Variants in ELFN1 observed in about 807,000 individuals in gnomAD.
ELFN1 encodes extracellular leucine rich repeat and fibronectin type III domain containing 1.
A neutral mutation model predicts 7.6 loss-of-function variants in ELFN1; 6 were observed. The observed-to-expected ratio is 0.79, with a 90% CI of 0.43 to 1.56. ELFN1 has a LOEUF of 1.56. Among genes scored for constraint, ELFN1 ranks in the 40% most tolerant of loss-of-function variants. The pLI is 0.01. For missense variants in ELFN1, 1,169 were observed against 1,232.2 expected (o/e 0.95, Z 0.77); for synonymous variants, 657 against 588.1 (o/e 1.12, Z -1.70).
At chr7:1,729,418 A>G (rs1780277861) in intron 3 of ELFN1, among the ~76,000 whole-genome samples, 1 of 152,008 alleles carries the variant, frequency 6.6e-6, no homozygotes, top group Non-Finnish European at 1.5e-5. Context: ...CTTCACTCCC[A>G]AGCCAGTGCC....
At position 1,746,744 on chromosome 7, in the gene ELFN1, TGC is replaced by T; in HGVS notation, c.2151_2152del (p.Pro719ArgfsTer270). 1 of 1,492,898 alleles carries T rather than the reference TGC, an allele frequency of 6.7e-7. No individual in the cohort carries two copies. The highest frequency in any genetic ancestry group is 8.9e-7 in the Non-Finnish European group (1 of 1,128,016). The allele number at this position is 1,492,898 out of a possible 1,614,324, so 92.5% of individuals were successfully genotyped here. A position where few individuals can be genotyped will look rare whatever the true frequency, so the allele number is the denominator to read the frequency against. ...CCGGCTCCCACCCGGCCGAGCCACC[TGC>T]GCCCCCCGGGCCACCGCCGCCGCCT... ...YPGSHPAEPP[A>X]PPGPPPPPPH... On this transcript the variant is annotated frameshift_variant, in exon 4 of 4. Coordinates refer to ENST00000424383, the MANE Select transcript of ELFN1 (RefSeq NM_001128636.4). LOFTEE classifies it low-confidence loss of function (END_TRUNC).
chr7:1,700,429 G>C (rs1200790378), intron 2 of ELFN1, among the ~76,000 whole-genome samples: 3 of 152,218 alleles, frequency 2.0e-5, no homozygotes, highest in Non-Finnish European at 4.4e-5. Context: ...GCCTGTTTCT[G>C]AACTTCCCAT....
At chr7:1,679,621 C>A (rs1019605844) in intron 1 of ELFN1, among the ~76,000 whole-genome samples, 1 of 152,220 alleles carries the variant, frequency 6.6e-6, no homozygotes, top group African/African-American at 2.4e-5. Flanking sequence ...TTCCTGCAAG[C>A]CTCATGTTCG....
intron 2 of ELFN1, among the ~76,000 whole-genome samples, chr7:1,694,533 T>A (rs528555157): frequency 4.8e-4 from 73 of 152,232 alleles, no homozygotes; most frequent in Non-Finnish European, 8.8e-4. Context: ...AGAGCTCTGG[T>A]CCATCAGTCA....
Position 1,745,714 on chromosome 7 carries a change from C to T in ELFN1, c.1118C>T (p.Thr373Met), listed in dbSNP as rs756943282. The T allele has an allele frequency of 2.3e-4, 364 of 1,551,294 alleles. 1 individual carries two copies. Among genetic ancestry groups the T allele is most frequent in the Non-Finnish European group, 2.8e-4 (320 of 1,147,012 alleles). Residue 373 changes from threonine (T) to methionine (M), a missense_variant, in exon 4 of 4, where the codon ACG becomes ATG. Thr to Met is a moderately conservative substitution (Grantham distance 81). Coordinates refer to ENST00000424383, the MANE Select transcript of ELFN1 (RefSeq NM_001128636.4). ...QEEIRLTNLF[T>M]LTNYTYCVVS... ...GAGATCCGTCTGACCAACCTGTTCA[C>T]GCTCACCAACTACACCTACTGCGTG... is the stretch of plus-strand genomic sequence containing the variant.
At chr7:1,674,231 G>T (rs1016012922) in intron 1 of ELFN1, among the ~76,000 whole-genome samples, 2 of 151,790 alleles carry the variant, frequency 1.3e-5, no homozygotes, top group Non-Finnish European at 2.9e-5. Context: ...TCCCTGCTCC[G>T]GGCCATGGGG....
intron 2 of ELFN1, chr7:1,693,734 C>T (rs1304204536): frequency 4.2e-6 from 2 of 470,926 alleles, no homozygotes; most frequent in African/African-American, 4.0e-5. Context: ...CGCTCGTCCC[C>T]ATGGCAACCC....
chr7:1,718,171 G>A (rs1458711129), intron 3 of ELFN1, among the ~76,000 whole-genome samples: 4 of 152,182 alleles, frequency 2.6e-5, no homozygotes, highest in African/African-American at 9.7e-5. Context: ...TAAGGGAGTC[G>A]TTCACCAGTG....
intron 1 of ELFN1, among the ~76,000 whole-genome samples, chr7:1,677,757 A>G (rs1778899252): frequency 6.6e-6 from 1 of 151,960 alleles, no homozygotes; most frequent in Non-Finnish European, 1.5e-5. Context: ...GGTTCTGTAA[A>G]ATGAATTTGT....
At chr7:1,684,759 G>A (rs1779035278) in intron 1 of ELFN1, among the ~76,000 whole-genome samples, 1 of 151,812 alleles carries the variant, frequency 6.6e-6, no homozygotes, top group South Asian at 2.1e-4. Flanking sequence ...TCTTCTCCCT[G>A]TTTTGTACTA....
intron 1 of ELFN1, among the ~76,000 whole-genome samples, chr7:1,672,253 G>A (rs1386321003): frequency 6.6e-6 from 1 of 152,144 alleles, no homozygotes; most frequent in Non-Finnish European, 1.5e-5. Flanking sequence ...GAGGGAGGGC[G>A]GCGTCCCTTC....
intron 2 of ELFN1, among the ~76,000 whole-genome samples, chr7:1,707,495 T>C (rs375838579): frequency 4.6e-5 from 7 of 152,170 alleles, no homozygotes; most frequent in East Asian, 1.9e-4. Flanking sequence ...ACCCTGGGGC[T>C]GATGGGTGCC....
At chr7:1,703,328 G>A (rs947792739) in intron 2 of ELFN1, among the ~76,000 whole-genome samples, 4 of 152,042 alleles carry the variant, frequency 2.6e-5, no homozygotes, top group African/African-American at 9.7e-5. Flanking sequence ...TTCCCTCTCT[G>A]CTATACAGCT....
intron 3 of ELFN1, among the ~76,000 whole-genome samples, chr7:1,743,207 C>T (rs989291139): frequency 1.3e-5 from 2 of 152,214 alleles, no homozygotes. Context: ...TCGGTCGCCA[C>T]ATCCTCTGTG....
At chr7:1,668,112 C>T (rs1778699963), upstream of ELFN1, among the ~76,000 whole-genome samples, 1 of 152,234 alleles carries the variant, frequency 6.6e-6, no homozygotes, top group Non-Finnish European at 1.5e-5. Flanking sequence ...CACGGCCCCG[C>T]GCGCGTACCC....
chr7:1,691,847 A>G (rs1422810443), intron 2 of ELFN1: 2 of 152,284 alleles, frequency 1.3e-5, no homozygotes, highest in African/African-American at 2.4e-5. Context: ...GGACCTTCAC[A>G]GCTCATTAAG....
chr7:1,720,493 C>G (rs192889172), intron 3 of ELFN1, among the ~76,000 whole-genome samples: 7 of 152,354 alleles, frequency 4.6e-5, no homozygotes, highest in Non-Finnish European at 7.3e-5. Context: ...AGCCAGGGAA[C>G]CAGCGTGCAG....
At chr7:1,726,087 TCACACTCATA>T (rs1295387762) in intron 3 of ELFN1, among the ~76,000 whole-genome samples, 28 of 151,816 alleles carry the variant, frequency 1.8e-4, no homozygotes, top group African/African-American at 5.8e-4. Context: ...CACACAAAAA[TCACACTCATA>T]CACACGCACT....
intron 3 of ELFN1, among the ~76,000 whole-genome samples, chr7:1,713,535 C>T (rs1193522157): frequency 6.6e-6 from 1 of 152,162 alleles, no homozygotes; most frequent in African/African-American, 2.4e-5. Flanking sequence ...TGCTTTTATC[C>T]AGGCAGTGAT....
Sources: allele counts gnomAD v4.1 joint callset (sites outside exome capture counted in the v4.1 genomes callset), GRCh38; gene constraint gnomAD v4.1.1; transcripts MANE v1.5; gene names NCBI Gene and HGNC (gene_info 2026-07-23, HGNC 2026-07-21).